The following SLURP2 variants were observed in gnomAD, a reference collection of about 807,000 sequenced individuals.
SLURP2 encodes secreted LY6/PLAUR domain containing 2.
In SLURP2, 4 loss-of-function variants were observed where a neutral mutation model predicts 9.8. The ratio of observed to expected loss-of-function variants is 0.41; its 90% CI spans 0.20 to 0.94. SLURP2 has a LOEUF of 0.94. Ranked by LOEUF, SLURP2 falls within the 40% of genes least tolerant of loss-of-function variation. SLURP2 has a pLI of 0.32. For synonymous variants in SLURP2, 58 were observed against 56.2 expected (o/e 1.03, Z -0.15); for missense variants, 118 against 126.4 (o/e 0.93, Z 0.32).
intron 1 of SLURP2, among the ~76,000 whole-genome samples, chr8:142,769,113 G>T (rs1433982119): frequency 6.6e-6 from 1 of 152,026 alleles, no homozygotes; most frequent in African/African-American, 2.4e-5. Flanking sequence ...GCACAGCTGT[G>T]CTTGAGGGGT....
chr8:142,765,883 A>T (rs907334463), intron 1 of SLURP2, among the ~76,000 whole-genome samples: 2 of 152,046 alleles, frequency 1.3e-5, no homozygotes, highest in East Asian at 3.9e-4. Flanking sequence ...GAATTGCTTG[A>T]ACCTGGGAGG....
At position 142,764,408 on chromosome 8, in the gene SLURP2, G is replaced by A. The variant is rs938419798; in HGVS notation, c.*197C>T. 3.0e-5 allele frequency: 21 copies of A among 692,568 alleles called. No individual in the cohort carries two copies. The highest frequency in any genetic ancestry group is 2.0e-4 in the African/African-American group (11 of 56,006). The allele number at this position is 692,568 out of a possible 1,614,324, so 42.9% of individuals were successfully genotyped here. On this transcript the variant is annotated 3_prime_UTR_variant, in exon 3 of 3. Coordinates refer to ENST00000317543, the MANE Select transcript of SLURP2 (RefSeq NM_177458.3). ...CCTGAAGGGGCGGCAGGCACGATGG[G>A]CCCCAGGCTTGGACGGCAGCAGATT...
chr8:142,766,057 AAG>A (rs892236303), intron 1 of SLURP2: 1 of 152,354 alleles, frequency 6.6e-6, no homozygotes, highest in African/African-American at 2.4e-5. Context: ...CCCTCTGAGA[AAG>A]AGAAAGAACT....
In SLURP2 at chr8:142,768,896, G is replaced by A. The variant is rs1815085898; in HGVS notation, c.52+859C>T. Reference sequence around the variant, plus strand: ...CCACCCCCTGCTCATTCAGGGCCTGGGAGGCAGGGGCTGCCCAGGTCGTTC... The same window carrying A: ...CCACCCCCTGCTCATTCAGGGCCTGAGAGGCAGGGGCTGCCCAGGTCGTTC... On this transcript the variant is annotated intron_variant, in intron 1 of 2. Coordinates refer to ENST00000317543, the MANE Select transcript of SLURP2 (RefSeq NM_177458.3). This position sits in a 1 kb window ranked among gnomAD's most constrained non-coding sequence, Gnocchi z 4.8. Among the ~76,000 whole-genome samples the A allele has an allele frequency of 6.6e-6, 1 of 152,182 alleles. No individual in the cohort carries two copies. The highest frequency in any genetic ancestry group is 6.5e-5 in the Admixed American group (1 of 15,282).
At chr8:142,764,903 G>T in intron 2 of SLURP2, 133 bp downstream of exon 2, 1 of 1,124,504 alleles carries the variant, frequency 8.9e-7, no homozygotes, top group Non-Finnish European at 1.3e-6. Context: ...CCTTCCCTGG[G>T]CATCACTGGC....
intron 1 of SLURP2, among the ~76,000 whole-genome samples, chr8:142,767,157 T>C (rs938497546): frequency 6.6e-6 from 1 of 152,298 alleles, no homozygotes; most frequent in African/African-American, 2.4e-5. Context: ...CCCTGGGTCC[T>C]GTGGGCGGAA....
At chr8:142,766,960 C>A (rs1487037349) in intron 1 of SLURP2, among the ~76,000 whole-genome samples, 3 of 152,190 alleles carry the variant, frequency 2.0e-5, no homozygotes, top group African/African-American at 4.8e-5. Flanking sequence ...CCTGCCCTAT[C>A]CCATCTCTGC....
chr8:142,765,595 C>T (rs1814978089), intron 1 of SLURP2, among the ~76,000 whole-genome samples: 1 of 152,208 alleles, frequency 6.6e-6, no homozygotes, highest in Middle Eastern at 3.4e-3. Context: ...GATGATGGGG[C>T]CGTTCCTGCC....
chr8:142,769,444 G>C (rs1369737891), intron 1 of SLURP2, among the ~76,000 whole-genome samples: 1 of 151,302 alleles, frequency 6.6e-6, no homozygotes, highest in Non-Finnish European at 1.5e-5. Context: ...GCACGTGCAC[G>C]AAGGTGCGTG....
Position 142,764,620 on chromosome 8 carries a change from G to A in SLURP2, c.279C>T (p.Leu93=). The change falls in exon 3 of 3, where the codon CTC becomes CTT. Residue 93 remains leucine, a synonymous_variant. Coordinates refer to ENST00000317543, the MANE Select transcript of SLURP2 (RefSeq NM_177458.3). ...YVSIACCQTS[L]CNHD The stretch of plus-strand genomic sequence containing the variant: ...AGGGCAGCCGTCAGTCATGGTTGCA[G>A]AGGCTGGTCTGGCAGCAAGCGATGG... The A allele has an allele frequency of 6.2e-7, 1 of 1,606,242 alleles. No homozygotes were observed. The highest frequency in any genetic ancestry group is 1.7e-5 in the Admixed American group (1 of 57,360).
intron 1 of SLURP2, among the ~76,000 whole-genome samples, chr8:142,767,045 C>T (rs781184360): frequency 3.9e-5 from 6 of 152,400 alleles, no homozygotes; most frequent in Non-Finnish European, 7.3e-5. Context: ...CAGCTCCAAA[C>T]CCGGGTTCCT....
intron 1 of SLURP2, among the ~76,000 whole-genome samples, chr8:142,767,421 G>A (rs1024451202): frequency 6.6e-6 from 1 of 152,198 alleles, no homozygotes; most frequent in Non-Finnish European, 1.5e-5. Flanking sequence ...CTCAACACTG[G>A]CAGCCACAGG....
intron 1 of SLURP2, among the ~76,000 whole-genome samples, chr8:142,769,278 A>T (rs1815097117): frequency 6.6e-6 from 1 of 151,018 alleles, no homozygotes; most frequent in South Asian, 2.1e-4. Context: ...AGAGGAGAGG[A>T]CCCGGGAGCA....
chr8:142,767,842 C>T (rs748045589), intron 1 of SLURP2, among the ~76,000 whole-genome samples: 1 of 152,108 alleles, frequency 6.6e-6, no homozygotes, highest in African/African-American at 2.4e-5. Flanking sequence ...ACCCATTCCT[C>T]AGTGCTCCCT....
chr8:142,767,215 G>A (rs959281587), intron 1 of SLURP2, among the ~76,000 whole-genome samples: 3 of 152,192 alleles, frequency 2.0e-5, no homozygotes, highest in East Asian at 1.9e-4. Context: ...GGGAAGTTCC[G>A]GCCAGGGCAG....
Position 142,765,090 on chromosome 8 carries a change from A to C in SLURP2, c.103T>G (p.Ser35Ala). The C allele has an allele frequency of 6.2e-7, 1 of 1,612,760 alleles. No homozygotes were observed. The highest frequency in any genetic ancestry group is 8.5e-7 in the Non-Finnish European group (1 of 1,179,810). The change falls in exon 2 of 3, where the codon TCC (serine) becomes GCC (alanine). Residue 35 changes from serine to alanine, a missense_variant. Ser to Ala is a moderately conservative substitution (Grantham distance 99). Coordinates refer to ENST00000317543, the MANE Select transcript of SLURP2 (RefSeq NM_177458.3). ...CHQCTGFGGC[S>A]HGSRCLRDST... ...TCCCTCAGGCATCTGGATCCATGGGAGCACCCTCCGAAGCCCGTGCACTGG... is the reference window on the plus strand; with the variant it reads ...TCCCTCAGGCATCTGGATCCATGGGCGCACCCTCCGAAGCCCGTGCACTGG...
At position 142,768,323 on chromosome 8, in the gene SLURP2, C is replaced by A. The variant is rs1308865115; in HGVS notation, c.52+1432G>T. On this transcript the variant is annotated intron_variant, in intron 1 of 2. Transcript: ENST00000317543. The surrounding 1 kb of genome is among the most constrained non-coding windows in gnomAD (Gnocchi z 4.8). ...CATGGCTGGGGGCAGGTCTCTCCCA[C>A]TGGGGACCCCCGTGCTGGCTCTGAA... Among the ~76,000 whole-genome samples the A allele has an allele frequency of 1.3e-5, 2 of 152,180 alleles. No individual in the cohort carries two copies. Among genetic ancestry groups the A allele is most frequent in the East Asian group, 3.9e-4 (2 of 5,164 alleles).
rs1453005627 is a variant in SLURP2, at chr8:142,764,477, G to A, written c.*128C>T. On this transcript the variant is annotated 3_prime_UTR_variant, in exon 3 of 3. Coordinates refer to ENST00000317543, the MANE Select transcript of SLURP2 (RefSeq NM_177458.3). Reference sequence around the variant, plus strand: ...GGACTTCCCTAGGACAAGCGGTGCTGGACGGTGGCTGCAGAGGCCGGGAGA... The same window carrying A: ...GGACTTCCCTAGGACAAGCGGTGCTAGACGGTGGCTGCAGAGGCCGGGAGA... 1 of 976,448 alleles carries A rather than the reference G, an allele frequency of 1.0e-6. No individual in the cohort carries two copies. Among genetic ancestry groups the A allele is most frequent in the Admixed American group, 2.1e-5 (1 of 47,550 alleles). The allele number at this position is 976,448 out of a possible 1,614,324, so 60.5% of individuals were successfully genotyped here. A position where few individuals can be genotyped will look rare whatever the true frequency, so the allele number is the denominator to read the frequency against.
chr8:142,769,411 G>C (rs1245781744), intron 1 of SLURP2, among the ~76,000 whole-genome samples: 1 of 151,324 alleles, frequency 6.6e-6, no homozygotes, highest in African/African-American at 2.4e-5. Flanking sequence ...GGCTGGAGGG[G>C]GGCACATTCA....
Sources: gnomAD v4.1 joint callset for allele counts (sites outside exome capture counted in the v4.1 genomes callset) on GRCh38, gnomAD v4.1.1 for gene constraint, Gnocchi (gnomAD v3.1) non-coding constraint, MANE v1.5 for transcripts, NCBI Gene and HGNC (gene_info 2026-07-23, HGNC 2026-07-21) for gene names.